The following TNS3 variants were observed in gnomAD, a reference collection of about 807,000 sequenced individuals.
TNS3 encodes tensin 3.
A neutral mutation model predicts 140.9 loss-of-function variants in TNS3; 45 were observed. The ratio of observed to expected loss-of-function variants is 0.32; its 90% CI spans 0.25 to 0.41. The LOEUF (loss-of-function observed/expected upper bound fraction) is 0.41, where lower values mean the gene tolerates loss of function less well. Among genes scored for constraint, TNS3 ranks in the 10% least tolerant of loss-of-function variants. The probability of loss-of-function intolerance (pLI) is 1.00; values close to 1 mark genes in which losing one functional copy is unlikely to be tolerated. For missense variants in TNS3, 1,716 were observed against 1,906.7 expected (o/e 0.90, Z 1.86); for synonymous variants, 815 against 788.4 (o/e 1.03, Z -0.56).
chr7:47,446,606 A>G (rs1795742982), intron 4 of TNS3, among the ~76,000 whole-genome samples: 1 of 151,066 alleles, frequency 6.6e-6, no homozygotes, highest in African/African-American at 2.4e-5. Flanking sequence ...GAGAAAGAGA[A>G]AAGGGAGGCC....
At chr7:47,322,308 G>A (rs1180399064) in intron 20 of TNS3, among the ~76,000 whole-genome samples, 1 of 151,382 alleles carries the variant, frequency 6.6e-6, no homozygotes, top group African/African-American at 2.4e-5. Flanking sequence ...CGGATCACGA[G>A]GTCAGGAATT....
rs764311972 is a variant in TNS3, at chr7:47,486,952, C to T, written c.-114-5811G>A. The stretch of plus-strand genomic sequence containing the variant: ...TTTCCAAATCATCAAAAATTCCAGT[C>T]ATGGTGGGTCACGTGAATCAGCTTC... On this transcript the variant is annotated intron_variant, in intron 3 of 30. Transcript: ENST00000311160. Among the ~76,000 whole-genome samples, 3 of 152,248 alleles carry T rather than the reference C, an allele frequency of 2.0e-5. No homozygotes were observed. In the South Asian group the frequency reaches 6.2e-4, roughly 32 times the overall value.
At position 47,391,932 on chromosome 7, in the gene TNS3, A is replaced by G. The variant is rs561158892; in HGVS notation, c.1024+4868T>C. The stretch of plus-strand genomic sequence containing the variant: ...CCTGTCCCGCACGGTCTCGAGCACA[A>G]GACACACTCTGAGCCACAGCTGCCA... On this transcript the variant is annotated intron_variant, in intron 16 of 30. Transcript: ENST00000311160. Among the ~76,000 whole-genome samples the G allele has an allele frequency of 7.9e-5, 12 of 152,286 alleles. No homozygotes were observed. The South Asian group carries it at 1.9e-3, about 24-fold the overall frequency.
chr7:47,537,352 G>A (rs1202518785), intron 1 of TNS3, among the ~76,000 whole-genome samples: 1 of 152,156 alleles, frequency 6.6e-6, no homozygotes, highest in African/African-American at 2.4e-5. Context: ...CAAAAGCCAG[G>A]CGCGAGCGCA....
At chr7:47,394,067 A>G (rs1792685713) in intron 16 of TNS3, among the ~76,000 whole-genome samples, 1 of 152,208 alleles carries the variant, frequency 6.6e-6, no homozygotes, top group African/African-American at 2.4e-5. Context: ...CTGGCTCAGA[A>G]GATGCTGCAT....
intron 3 of TNS3, chr7:47,481,725 G>A (rs1392726679): frequency 2.0e-6 from 2 of 985,176 alleles, no homozygotes; most frequent in African/African-American, 3.5e-5. Context: ...AAGACCGAGA[G>A]CTCCCTGGGA....
chr7:47,571,843 G>T (rs564269207), intron 1 of TNS3, among the ~76,000 whole-genome samples: 2 of 152,210 alleles, frequency 1.3e-5, no homozygotes, highest in Non-Finnish European at 2.9e-5. Flanking sequence ...TCAGCATGCC[G>T]CTGGCCACAC....
chr7:47,308,796 A>G (rs1786906404), intron 20 of TNS3, among the ~76,000 whole-genome samples: 1 of 152,170 alleles, frequency 6.6e-6, no homozygotes, highest in Non-Finnish European at 1.5e-5. Flanking sequence ...CACTCTTCCC[A>G]GCTTTGAGTT....
Position 47,424,234 on chromosome 7 carries a change from A to C in TNS3, c.390-50T>G, listed in dbSNP as rs189547884. ...GAGTTAACTCAGTGGAGCCCACACC[A>C]CGTGGGTACTTGACGGGGGATGTGT... On this transcript the variant is annotated intron_variant, in intron 9 of 30. Coordinates refer to ENST00000311160, the MANE Select transcript of TNS3 (RefSeq NM_022748.12). 909 of 1,587,454 alleles carry C rather than the reference A, an allele frequency of 5.7e-4. 3 individuals are homozygous for C. In the African/African-American group the frequency reaches 0.011, roughly 19 times the overall value.
At chr7:47,482,649 A>G (rs183106528) in intron 3 of TNS3, among the ~76,000 whole-genome samples, 2 of 152,234 alleles carry the variant, frequency 1.3e-5, no homozygotes, top group African/African-American at 4.8e-5. Context: ...CTCACTCCAC[A>G]TGTGACATGC....
At chr7:47,520,584 A>C (rs1259715331) in intron 2 of TNS3, among the ~76,000 whole-genome samples, 1 of 152,242 alleles carries the variant, frequency 6.6e-6, no homozygotes, top group African/African-American at 2.4e-5. Context: ...GAAGGATTTC[A>C]GACAAAATCC....
intron 1 of TNS3, among the ~76,000 whole-genome samples, chr7:47,548,952 G>C (rs920825540): frequency 2.0e-5 from 3 of 152,084 alleles, no homozygotes; most frequent in African/African-American, 7.2e-5. Context: ...CAACCTTGGG[G>C]CTCCTTCTCT....
intron 20 of TNS3, 83 bp downstream of exon 20, chr7:47,344,672 C>T (rs2150992515): frequency 4.9e-6 from 6 of 1,222,928 alleles, no homozygotes; most frequent in Non-Finnish European, 7.0e-6. Context: ...TTTCTGCATA[C>T]GAGTTCTTCT....
intron 10 of TNS3, among the ~76,000 whole-genome samples, chr7:47,422,870 C>CA (rs10711047): frequency 5.5e-4 from 81 of 146,410 alleles, no homozygotes; most frequent in African/African-American, 1.7e-3. Context: ...TTAATGGTTC[C>CA]AAAAAAAAAC....
In TNS3 at chr7:47,439,564, A is replaced by T. The variant is rs1217671854; in HGVS notation, c.73T>A (p.Cys25Ser). Residue 25 changes from cysteine to serine, a missense_variant, in exon 6 of 31, where the codon TGC (cysteine) becomes AGC (serine). Coordinates refer to ENST00000311160, the MANE Select transcript of TNS3 (RefSeq NM_022748.12). ...RIIAVSFPAGCSEESYLHNLQ... is the reference protein window; with the variant it reads ...RIIAVSFPAGSSEESYLHNLQ... Reference sequence around the variant, plus strand: ...TTGTGCAGGTAGGACTCCTCAGAGCAGCCGGCAGGGAAGGACACAGCGATG... The same window carrying T: ...TTGTGCAGGTAGGACTCCTCAGAGCTGCCGGCAGGGAAGGACACAGCGATG... The T allele has an allele frequency of 6.2e-7, 1 of 1,614,030 alleles. No homozygotes were observed. Among genetic ancestry groups the T allele is most frequent in the South Asian group, 1.1e-5 (1 of 91,042 alleles).
rs551369225 is a variant in TNS3 at position 47,328,456 on chromosome 7, C to T, written c.2650+16299G>A. Among the ~76,000 whole-genome samples, 4 of 152,342 alleles carry T rather than the reference C, an allele frequency of 2.6e-5. No homozygotes were observed. The South Asian group carries it at 8.3e-4, about 32-fold the overall frequency. On this transcript the variant is annotated intron_variant, in intron 20 of 30. Transcript: ENST00000311160. Reference sequence around the variant, plus strand: ...CTCAGGCCAGCCATCACCCAAGGCACAAGCGGCAGGACCTGCCCACCATGC... The same window carrying T: ...CTCAGGCCAGCCATCACCCAAGGCATAAGCGGCAGGACCTGCCCACCATGC...
chr7:47,439,395 C>T, intron 6 of TNS3, 92 bp downstream of exon 6: 3 of 1,407,234 alleles, frequency 2.1e-6, no homozygotes, highest in Non-Finnish European at 2.9e-6. Context: ...GCTTCTCCCT[C>T]ATGTGTAAAC....
chr7:47,370,695 C>T (rs1430062766), intron 16 of TNS3, among the ~76,000 whole-genome samples: 1 of 152,248 alleles, frequency 6.6e-6, no homozygotes, highest in Non-Finnish European at 1.5e-5. Context: ...ATGGGCCTCC[C>T]GCACTTTCTT....
intron 17 of TNS3, among the ~76,000 whole-genome samples, chr7:47,349,429 C>T (rs1429565545): frequency 6.6e-6 from 1 of 152,224 alleles, no homozygotes; most frequent in Non-Finnish European, 1.5e-5. Flanking sequence ...AAGATGGTTT[C>T]CACAATGGAG....
Sources: gnomAD v4.1 joint callset for allele counts (sites outside exome capture counted in the v4.1 genomes callset) on GRCh38, gnomAD v4.1.1 for gene constraint, MANE v1.5 for transcripts, NCBI Gene and HGNC (gene_info 2026-07-23, HGNC 2026-07-21) for gene names.